Variants in BLTP1 observed in about 807,000 individuals in gnomAD.
The protein encoded by BLTP1 is bridge-like lipid transfer protein family member 1, also known as fragile site-associated protein.
At chr4:122,243,186 C>A in the BLTP1 span, 1 of 1,049,340 alleles carries the variant, frequency 9.5e-7, no homozygotes, top group Non-Finnish European at 1.3e-6. Context: ...AATAAATTAC[C>A]AAAATAATTC....
the BLTP1 span, among the ~76,000 whole-genome samples, chr4:122,262,162 G>GTA: frequency 1.9e-3 from 282 of 147,564 alleles, 3 homozygotes; most frequent in African/African-American, 7.1e-3. Context: ...GTGTGTGTGT[G>GTA]TGTGTGTGTG....
At chr4:122,320,735 C>T in the BLTP1 span, among the ~76,000 whole-genome samples, 2 of 151,948 alleles carry the variant, frequency 1.3e-5, no homozygotes, top group African/African-American at 2.4e-5. Flanking sequence ...ATTGTCAGAT[C>T]TTTTTTAATC....
chr4:122,192,185 C>A, the BLTP1 span: 1 of 1,589,220 alleles, frequency 6.3e-7, no homozygotes, highest in Admixed American at 1.7e-5. Flanking sequence ...TTTTTAATGG[C>A]CATTTTAAAT....
the BLTP1 span, among the ~76,000 whole-genome samples, chr4:122,324,872 C>CTAG: frequency 0.05 from 7,568 of 151,920 alleles, 266 homozygotes; most frequent in Non-Finnish European, 0.074. Flanking sequence ...AAGGTGCATA[C>CTAG]TAGTAGCTAC....
chr4:122,214,943 G>T, the BLTP1 span, among the ~76,000 whole-genome samples: 4 of 152,082 alleles, frequency 2.6e-5, no homozygotes, highest in Non-Finnish European at 4.4e-5. Context: ...TTAACTAATA[G>T]ATTTGGAATT....
chr4:122,321,525 G>T, the BLTP1 span, among the ~76,000 whole-genome samples: 3 of 120,890 alleles, frequency 2.5e-5, no homozygotes, highest in African/African-American at 9.2e-5. Context: ...GTGTGCATGT[G>T]TATATATGTG....
the BLTP1 span, chr4:122,269,626 TTTTG>T: frequency 1.2e-5 from 12 of 985,146 alleles, no homozygotes; most frequent in African/African-American, 1.9e-4. Flanking sequence ...TGTCTGGGTT[TTTTG>T]TTTGTTTTTG....
At chr4:122,336,123 A>G in the BLTP1 span, 1 of 1,297,606 alleles carries the variant, frequency 7.7e-7, no homozygotes, top group Non-Finnish European at 1.1e-6. Flanking sequence ...AAACTTTAAT[A>G]TAATTCAAAT....
the BLTP1 span, among the ~76,000 whole-genome samples, chr4:122,157,926 G>A: frequency 1.3e-5 from 2 of 152,136 alleles, no homozygotes; most frequent in Admixed American, 1.3e-4. Context: ...GTAAACACAT[G>A]TGACCATTTT....
At chr4:122,302,665 C>T in the BLTP1 span, among the ~76,000 whole-genome samples, 8 of 152,144 alleles carry the variant, frequency 5.3e-5, no homozygotes, top group South Asian at 2.1e-4. Flanking sequence ...AGGTCTCTTG[C>T]GCCAGTTAGC....
chr4:122,318,067 G>A, the BLTP1 span: 2 of 1,413,172 alleles, frequency 1.4e-6, no homozygotes, highest in Non-Finnish European at 1.9e-6. Flanking sequence ...ATTCTGACAA[G>A]AATTAAAAAG....
chr4:122,238,004 AT>A, the BLTP1 span: 9 of 1,193,744 alleles, frequency 7.5e-6, no homozygotes, highest in African/African-American at 1.1e-4. Context: ...AAAAAAAATT[AT>A]ACTTAAAAAT....
chr4:122,237,767 G>A, the BLTP1 span: 2 of 234,298 alleles, frequency 8.5e-6, no homozygotes, highest in Non-Finnish European at 1.4e-5. Context: ...GGCGGATCAC[G>A]AAGTCAAGAG....
chr4:122,214,823 G>T, the BLTP1 span, among the ~76,000 whole-genome samples: 69 of 151,814 alleles, frequency 4.5e-4, no homozygotes, highest in Non-Finnish European at 6.0e-4. Context: ...TGTTGCGCAG[G>T]CTGGTCTCGA....
chr4:122,263,102 C>A, the BLTP1 span: 1 of 1,377,036 alleles, frequency 7.3e-7, no homozygotes, highest in South Asian at 1.5e-5. Flanking sequence ...CATACCTTAT[C>A]TTTGAGAAAA....
chr4:122,307,494 T>G, the BLTP1 span: 1 of 985,368 alleles, frequency 1.0e-6, no homozygotes, highest in South Asian at 4.7e-5. Context: ...TAAGGTTTGT[T>G]TCTGTTTAAC....
the BLTP1 span, among the ~76,000 whole-genome samples, chr4:122,340,430 A>G: frequency 6.6e-6 from 1 of 152,150 alleles, no homozygotes; most frequent in Non-Finnish European, 1.5e-5. Flanking sequence ...CTATTTTTAG[A>G]GAGTCATCTT....
chr4:122,228,927 T>C, the BLTP1 span: 2 of 178,232 alleles, frequency 1.1e-5, no homozygotes, highest in Non-Finnish European at 2.2e-5. Context: ...TATTGTTTTC[T>C]AACGTATAGT....
the BLTP1 span, chr4:122,258,566 T>A: frequency 8.8e-7 from 1 of 1,138,392 alleles, no homozygotes; most frequent in East Asian, 2.7e-5. Context: ...AGGATTGGGG[T>A]GGGGGAGAAA....
Sources: gnomAD v4.1 joint callset for allele counts (sites outside exome capture counted in the v4.1 genomes callset) on GRCh38, gnomAD v4.1.1 for gene constraint, MANE v1.5 for transcripts, NCBI Gene and HGNC (gene_info 2026-07-23, HGNC 2026-07-21) for gene names.